The following TTC28 variants were observed in gnomAD, a reference collection of about 807,000 sequenced individuals.
TTC28 encodes the protein tetratricopeptide repeat domain 28.
Under a neutral mutation model 198.0 loss-of-function variants are expected in TTC28, and 61 were observed. The ratio of observed to expected loss-of-function variants is 0.31; its 90% confidence interval spans 0.25 to 0.38. The LOEUF is 0.38. Among genes scored for constraint, TTC28 ranks in the 10% least tolerant of loss-of-function variants. TTC28 has a pLI of 1.00. For synonymous variants in TTC28, 1,171 were observed against 1,297.8 expected (o/e 0.90, Z 2.10); for missense variants, 2,678 against 3,164.0 (o/e 0.85, Z 3.69).
At chr22:28,372,722 C>T (rs530000581) in intron 2 of TTC28, among the ~76,000 whole-genome samples, 3 of 152,270 alleles carry the variant, frequency 2.0e-5, no homozygotes, top group African/African-American at 7.2e-5. Flanking sequence ...TCAATGGCCC[C>T]TAACCCCACC....
At chr22:28,049,275 C>CCT (rs1939985736) in intron 12 of TTC28, among the ~76,000 whole-genome samples, 1 of 152,142 alleles carries the variant, frequency 6.6e-6, no homozygotes, top group South Asian at 2.1e-4. Context: ...TTTTAAATCC[C>CCT]ACCATACAGG....
At position 28,107,676 on chromosome 22, in the gene TTC28, T is replaced by C. The variant is rs1346385474; in HGVS notation, c.2169A>G (p.Ile723Met). ...CATTTATATCTTTTTTACAGATGAA[T>C]ATATCGCCCAGGTTTCCTAGGGCTC... ...KFRALGNLGDIFICKKDINGA... is the reference protein window; with the variant it reads ...KFRALGNLGDMFICKKDINGA... Residue 723 changes from isoleucine (I) to methionine (M), a missense_variant, in exon 7 of 23, where the codon ATA becomes ATG. By Grantham distance (10) the Ile-to-Met change is conservative (BLOSUM62 1). This residue lies in a region of TTC28 where 775 missense variants were observed against 845.9 expected (regional missense o/e 0.92). Transcript: ENST00000397906. The C allele has an allele frequency of 1.3e-6, 2 of 1,551,656 alleles. No individual in the cohort carries two copies. The highest frequency in any genetic ancestry group is 1.4e-5 in the African/African-American group (1 of 73,060).
chr22:28,410,480 T>A (rs2047063885), intron 2 of TTC28, among the ~76,000 whole-genome samples: 1 of 152,208 alleles, frequency 6.6e-6, no homozygotes, highest in Non-Finnish European at 1.5e-5. Context: ...TGCTAAATAA[T>A]GAATAAAAAT....
At chr22:28,530,738 G>C (rs1209468563) in intron 2 of TTC28, among the ~76,000 whole-genome samples, 1 of 152,210 alleles carries the variant, frequency 6.6e-6, no homozygotes. Flanking sequence ...AGCCAGAAGA[G>C]AGTGGGGGCC....
At chr22:28,490,603 A>G (rs560920420) in intron 2 of TTC28, among the ~76,000 whole-genome samples, 2 of 152,348 alleles carry the variant, frequency 1.3e-5, no homozygotes. Flanking sequence ...GGACTATTCA[A>G]ATAGTAAGAT....
At chr22:28,594,213 CCT>C (rs1451143208) in intron 2 of TTC28, among the ~76,000 whole-genome samples, 23 of 150,238 alleles carry the variant, frequency 1.5e-4, no homozygotes, top group Non-Finnish European at 1.0e-4. Context: ...TCTCTCATTC[CCT>C]GAGACCTATA....
intron 14 of TTC28, among the ~76,000 whole-genome samples, chr22:28,006,356 T>C (rs1302669357): frequency 6.6e-6 from 1 of 152,236 alleles, no homozygotes; most frequent in Non-Finnish European, 1.5e-5. Context: ...GGCACTGGTG[T>C]GCACTCCAGA....
chr22:28,542,594 AATTT>A (rs572666275), intron 2 of TTC28, among the ~76,000 whole-genome samples: 1 of 152,046 alleles, frequency 6.6e-6, no homozygotes, highest in Non-Finnish European at 1.5e-5. Flanking sequence ...AAAAATAAAT[AATTT>A]ATTAAAATAT....
intron 2 of TTC28, among the ~76,000 whole-genome samples, chr22:28,618,904 A>C (rs1249607705): frequency 6.6e-6 from 1 of 152,122 alleles, no homozygotes; most frequent in African/African-American, 2.4e-5. Flanking sequence ...CACTTATAGG[A>C]TCCTATATTA....
intron 13 of TTC28, among the ~76,000 whole-genome samples, chr22:28,014,615 C>T (rs988153875): frequency 4.6e-5 from 7 of 152,254 alleles, no homozygotes; most frequent in African/African-American, 1.7e-4. Context: ...CTGCACACAA[C>T]AGCTTACATT....
chr22:28,148,767 T>C lies in TTC28; in HGVS notation c.1441+14325A>G, dbSNP rs547001587. On this transcript the variant is annotated intron_variant, in intron 6 of 22. Transcript: ENST00000397906. The stretch of plus-strand genomic sequence containing the variant: ...AGGTATAATATAAAATGTACAGAAA[T>C]TGCCATTGCTCCCAGAACTAGTCTC... Among the ~76,000 whole-genome samples the C allele has an allele frequency of 2.6e-5, 4 of 152,194 alleles. 1 individual carries two copies. In the South Asian group the frequency reaches 8.3e-4, roughly 32 times the overall value.
At chr22:28,421,509 C>T (rs2047252909) in intron 2 of TTC28, among the ~76,000 whole-genome samples, 1 of 152,094 alleles carries the variant, frequency 6.6e-6, no homozygotes, top group Non-Finnish European at 1.5e-5. Context: ...GGAATGTTGT[C>T]TTTCCATATA....
chr22:28,455,110 T>A (rs1282965974), intron 2 of TTC28, among the ~76,000 whole-genome samples: 1 of 152,130 alleles, frequency 6.6e-6, no homozygotes, highest in Non-Finnish European at 1.5e-5. Flanking sequence ...TGGGAGGTAA[T>A]TCAGAAGATC....
At chr22:28,209,869 A>C (rs1926759972) in intron 5 of TTC28, among the ~76,000 whole-genome samples, 1 of 152,154 alleles carries the variant, frequency 6.6e-6, no homozygotes, top group Non-Finnish European at 1.5e-5. Flanking sequence ...TGAGTAGTCT[A>C]ACTGAGAGAC....
At chr22:28,515,265 T>C (rs1336190891) in intron 2 of TTC28, among the ~76,000 whole-genome samples, 1 of 152,196 alleles carries the variant, frequency 6.6e-6, no homozygotes, top group Non-Finnish European at 1.5e-5. Context: ...AAAATTACTA[T>C]ATGGTGGATT....
chr22:28,174,503 A>G (rs1922970622), intron 5 of TTC28, among the ~76,000 whole-genome samples: 1 of 152,190 alleles, frequency 6.6e-6, no homozygotes, highest in Admixed American at 6.5e-5. Flanking sequence ...CGTACACTGA[A>G]GACCAGCATA....
At chr22:28,487,736 A>G (rs1282971596) in intron 2 of TTC28, among the ~76,000 whole-genome samples, 2 of 152,170 alleles carry the variant, frequency 1.3e-5, no homozygotes, top group South Asian at 4.1e-4. Flanking sequence ...AAATACAACA[A>G]ATGAGATACT....
chr22:28,318,690 T>C (rs1229586451), intron 2 of TTC28, among the ~76,000 whole-genome samples: 3 of 152,168 alleles, frequency 2.0e-5, no homozygotes, highest in Non-Finnish European at 1.5e-5. Context: ...TAGTAAGTAT[T>C]GAGAGGCAGT....
At chr22:28,582,117 G>A (rs1269728750) in intron 2 of TTC28, among the ~76,000 whole-genome samples, 1 of 151,920 alleles carries the variant, frequency 6.6e-6, no homozygotes, top group Non-Finnish European at 1.5e-5. Flanking sequence ...TACTATACAT[G>A]TTTTCAAATT....
Sources: allele counts gnomAD v4.1 joint callset (sites outside exome capture counted in the v4.1 genomes callset), GRCh38; gene constraint gnomAD v4.1.1; regional missense constraint gnomAD v4.1.1; transcripts MANE v1.5; gene names NCBI Gene and HGNC (gene_info 2026-07-23, HGNC 2026-07-21).